PTK2: variants seen among roughly 807,000 people sequenced by gnomAD.
PTK2 encodes the protein focal adhesion kinase 1.
PTK2 carries 45 observed loss-of-function variants against 150.1 expected under a neutral mutation model. The ratio of observed to expected loss-of-function variants is 0.30; its 90% CI spans 0.24 to 0.38. PTK2 has a LOEUF of 0.38. Among genes scored for constraint, PTK2 ranks in the 10% least tolerant of loss-of-function variants. The pLI is 1.00. For missense variants in PTK2, 919 were observed against 1,307.3 expected (o/e 0.70, Z 4.58); for synonymous variants, 432 against 449.2 (o/e 0.96, Z 0.48).
chr8:140,915,612 C>A (rs1293020466), intron 2 of PTK2, among the ~76,000 whole-genome samples: 1 of 151,964 alleles, frequency 6.6e-6, no homozygotes, highest in Non-Finnish European at 1.5e-5. Flanking sequence ...AACCCCATAT[C>A]CAGGCCGGGC....
At chr8:140,815,482 G>C (rs4961296) in intron 10 of PTK2, among the ~76,000 whole-genome samples, 88,268 of 151,850 alleles carry the variant, frequency 0.58, 27,275 homozygotes, top group African/African-American at 0.79. Context: ...TAATACCTGG[G>C]TGACAAAGTA....
At chr8:140,676,604 C>T (rs1420622471) in intron 27 of PTK2, among the ~76,000 whole-genome samples, 1 of 121,988 alleles carries the variant, frequency 8.2e-6, no homozygotes, top group African/African-American at 3.1e-5. Context: ...TTGCCGCGGT[C>T]GGTGGGGGCG....
intron 26 of PTK2, among the ~76,000 whole-genome samples, chr8:140,688,916 T>C (rs930139714): frequency 2.9e-4 from 44 of 152,224 alleles, no homozygotes; most frequent in African/African-American, 1.0e-3. Context: ...CCTAGAGGCA[T>C]GCAGTTGGCG....
chr8:140,894,214 G>C (rs566225472), intron 2 of PTK2, among the ~76,000 whole-genome samples: 197 of 152,242 alleles, frequency 1.3e-3, no homozygotes, highest in African/African-American at 4.5e-3. Flanking sequence ...CTGCTCTCCA[G>C]AGATATGCCT....
At chr8:140,749,413 A>G (rs1467212562) in intron 17 of PTK2, among the ~76,000 whole-genome samples, 1 of 152,266 alleles carries the variant, frequency 6.6e-6, no homozygotes, top group Non-Finnish European at 1.5e-5. Context: ...TAATTATTAG[A>G]AACACAAAAC....
intron 26 of PTK2, among the ~76,000 whole-genome samples, chr8:140,689,947 CATTTTTTATTTATTT>C (rs2100022110): frequency 1.3e-5 from 2 of 152,094 alleles, no homozygotes; most frequent in African/African-American, 4.8e-5. Flanking sequence ...TTTTTATTTT[CATTTTTTATTTATTT>C]ATTTTTTTGA....
chr8:140,945,922 T>C (rs1472701082), intron 1 of PTK2, among the ~76,000 whole-genome samples: 5 of 152,200 alleles, frequency 3.3e-5, no homozygotes, highest in Admixed American at 2.0e-4. Context: ...ATTCCTCCTC[T>C]GTCCTTCCCA....
chr8:140,809,621 A>G (rs1566822405), intron 10 of PTK2, among the ~76,000 whole-genome samples: 1 of 152,174 alleles, frequency 6.6e-6, no homozygotes, highest in East Asian at 1.9e-4. Flanking sequence ...CTTGGGCAAC[A>G]TGGCAAAACC....
intron 5 of PTK2, among the ~76,000 whole-genome samples, chr8:140,851,408 G>A (rs1486968495): frequency 6.6e-6 from 1 of 152,050 alleles, no homozygotes; most frequent in East Asian, 1.9e-4. Flanking sequence ...AAACAAACAT[G>A]GAACTTACAC....
chr8:140,816,599 T>TAAAGGGAC (rs1420507325), intron 10 of PTK2, among the ~76,000 whole-genome samples: 1 of 152,222 alleles, frequency 6.6e-6, no homozygotes, highest in African/African-American at 2.4e-5. Context: ...AGGGACTTAT[T>TAAAGGGAC]AATTTAAAAG....
At position 140,706,105 on chromosome 8, in the gene PTK2, A is replaced by T; in HGVS notation, c.2229+14T>A. On this transcript the variant is annotated intron_variant, in intron 24 of 31. Transcript: ENST00000522684. Reference sequence around the variant, plus strand: ...ATAAAATAACACAGTTTATATCTGTAATGACTGGCATACCTGGTAATGATT... The same window carrying T: ...ATAAAATAACACAGTTTATATCTGTTATGACTGGCATACCTGGTAATGATT... The T allele has an allele frequency of 6.3e-7, 1 of 1,577,268 alleles. No individual in the cohort carries two copies. Among genetic ancestry groups the T allele is most frequent in the Non-Finnish European group, 8.7e-7 (1 of 1,147,182 alleles).
intron 1 of PTK2, among the ~76,000 whole-genome samples, chr8:140,982,489 C>A (rs1055894210): frequency 6.6e-6 from 1 of 152,084 alleles, no homozygotes; most frequent in Non-Finnish European, 1.5e-5. Context: ...CCCAGCTACT[C>A]AGGAGACTGA....
At chr8:140,727,576 T>C (rs1216715661) in intron 22 of PTK2, among the ~76,000 whole-genome samples, 1 of 150,970 alleles carries the variant, frequency 6.6e-6, no homozygotes, top group Non-Finnish European at 1.5e-5. Context: ...AAATACAAAA[T>C]CGCTTAAAAA....
intron 25 of PTK2, 99 bp from the exon 29 acceptor site, chr8:140,701,121 G>C: frequency 7.6e-7 from 1 of 1,324,386 alleles, no homozygotes; most frequent in Non-Finnish European, 1.0e-6. Flanking sequence ...AAGCAAAACA[G>C]CAAGTATGAG....
intron 8 of PTK2, among the ~76,000 whole-genome samples, chr8:140,827,912 A>C (rs2100112810): frequency 6.6e-6 from 1 of 152,200 alleles, no homozygotes; most frequent in Non-Finnish European, 1.5e-5. Context: ...CACGCCTGTA[A>C]TCCCAGCACT....
intron 1 of PTK2, among the ~76,000 whole-genome samples, chr8:140,961,941 GAGTT>G (rs1053377668): frequency 1.3e-5 from 2 of 152,068 alleles, no homozygotes; most frequent in South Asian, 2.1e-4. Flanking sequence ...GCAATTTATT[GAGTT>G]AGTATCTTTA....
At chr8:140,907,002 T>C (rs1208312333) in intron 2 of PTK2, among the ~76,000 whole-genome samples, 1 of 152,204 alleles carries the variant, frequency 6.6e-6, no homozygotes, top group Non-Finnish European at 1.5e-5. Context: ...TTGAAGCCTA[T>C]ACTAAGAATA....
chr8:140,818,742 G>T, intron 9 of PTK2, 138 bp downstream of exon 9: 1 of 998,842 alleles, frequency 1.0e-6, no homozygotes, highest in Non-Finnish European at 1.5e-6. Flanking sequence ...TTTTTCACAT[G>T]GTAAAATGAA....
Position 140,753,248 on chromosome 8 carries a change from T to C in PTK2, c.1333-932A>G, listed in dbSNP as rs962614232. Among the ~76,000 whole-genome samples, 4 of 152,274 alleles carry C rather than the reference T, an allele frequency of 2.6e-5. No homozygotes were observed. In the East Asian group the frequency reaches 5.8e-4, roughly 22 times the overall value. ...GAGAGAAGGGCTGAGATTCTGGTTA[T>C]ACTCTGAAGCTAGGGCAAAGGTGGC... On this transcript the variant is annotated intron_variant, in intron 16 of 31. Transcript: ENST00000522684.
Sources: gnomAD v4.1 joint callset for allele counts (sites outside exome capture counted in the v4.1 genomes callset) on GRCh38, gnomAD v4.1.1 for gene constraint, MANE v1.5 for transcripts, NCBI Gene and HGNC (gene_info 2026-07-23, HGNC 2026-07-21) for gene names.